The following PCDHGA1 variants were observed in gnomAD, a reference collection of about 807,000 sequenced individuals.
The protein encoded by PCDHGA1 is protocadherin gamma-A1.
A neutral mutation model predicts 58.0 loss-of-function variants in PCDHGA1; 32 were observed. The ratio of observed to expected loss-of-function variants is 0.55; its 90% confidence interval spans 0.42 to 0.74. The LOEUF is 0.74. PCDHGA1 is among the 30% of genes least tolerant of loss of function. The pLI is 0.00. For synonymous variants in PCDHGA1, 498 were observed against 501.1 expected (o/e 0.99, Z 0.08); for missense variants, 1,205 against 1,182.3 (o/e 1.02, Z -0.28).
chr5:141,423,405 G>T (rs1444037259), intron 1 of PCDHGA1: 1 of 1,614,154 alleles, frequency 6.2e-7, no homozygotes, highest in African/African-American at 1.3e-5. Context: ...CACGCCTGCT[G>T]CAGGCTTCTG....
At chr5:141,376,066 C>A in intron 1 of PCDHGA1, 1 of 1,613,396 alleles carries the variant, frequency 6.2e-7, no homozygotes, top group Non-Finnish European at 8.5e-7. Flanking sequence ...TCACGCTCAC[C>A]GTGGCCGTGG....
chr5:141,414,060 G>C (rs769101242), intron 1 of PCDHGA1: 1 of 1,609,304 alleles, frequency 6.2e-7, no homozygotes, highest in South Asian at 1.1e-5. Flanking sequence ...AATTGTTGAA[G>C]TTCCAACTAA....
intron 1 of PCDHGA1, among the ~76,000 whole-genome samples, chr5:141,373,529 AG>A (rs1769656388): frequency 6.6e-6 from 1 of 152,196 alleles, no homozygotes; most frequent in African/African-American, 2.4e-5. Context: ...TCTCCAAAAA[AG>A]TGTTTGTGGT....
rs554693384 is a variant in PCDHGA1, at chr5:141,346,496, T to A, written c.2421+13391T>A. The A allele has an allele frequency of 5.6e-6, 9 of 1,611,764 alleles. No individual in the cohort carries two copies. The South Asian group carries it at 6.6e-5, about 12-fold the overall frequency. On this transcript the variant is annotated intron_variant, in intron 1 of 3. Coordinates refer to ENST00000517417, the MANE Select transcript of PCDHGA1 (RefSeq NM_018912.3). ...TTTCTTTGATTATTAAGAACAAATATGAGAATGTGGTTATTATAAAGCTTT... is the reference window on the plus strand; with the variant it reads ...TTTCTTTGATTATTAAGAACAAATAAGAGAATGTGGTTATTATAAAGCTTT...
intron 1 of PCDHGA1, chr5:141,427,962 G>T: frequency 2.5e-6 from 4 of 1,590,100 alleles, no homozygotes; most frequent in Non-Finnish European, 3.4e-6. Flanking sequence ...TGTGCCGCGG[G>T]TGCTGTACCC....
rs775012950 is a variant in PCDHGA1, at chr5:141,428,225, A to T, written c.2422-66582A>T. On this transcript the variant is annotated intron_variant, in intron 1 of 3. Coordinates refer to ENST00000517417, the MANE Select transcript of PCDHGA1 (RefSeq NM_018912.3). ...GCTACGCTTCACCTAGTCTTCGCAG[A>T]CAGCCTGCAGGAGGCACTGCCAGAC... is the stretch of plus-strand genomic sequence containing the variant. 19 of 1,156,574 alleles carry T rather than the reference A, an allele frequency of 1.6e-5. No homozygotes were observed. In the Admixed American group the frequency reaches 3.1e-4, roughly 19 times the overall value. 71.6% of individuals were successfully genotyped at this position (1,156,574 alleles called of 1,614,324 possible).
At chr5:141,351,715 C>T (rs780866428) in intron 1 of PCDHGA1, 2 of 1,613,664 alleles carry the variant, frequency 1.2e-6, no homozygotes, top group Non-Finnish European at 1.7e-6. Context: ...GAGTCTCCTA[C>T]TCTATTCTGG....
In PCDHGA1 at chr5:141,332,459, T is replaced by C. The variant is rs765589705; in HGVS notation, c.1775T>C (p.Val592Ala). 1 of 1,613,514 alleles carries C rather than the reference T, an allele frequency of 6.2e-7. No individual in the cohort carries two copies. The highest frequency in any genetic ancestry group is 8.5e-7 in the Non-Finnish European group (1 of 1,180,010). Residue 592 changes from valine (V) to alanine (A), a missense_variant, in exon 1 of 4, where the codon GTG becomes GCG. Physicochemically the swap from Val to Ala is moderately conservative, Grantham distance 64 (BLOSUM62 0). Coordinates refer to ENST00000517417, the MANE Select transcript of PCDHGA1 (RefSeq NM_018912.3). This position sits in a 1 kb window ranked among gnomAD's most constrained non-coding sequence, Gnocchi z 4.6. ...CCCGGCTACCTGGTGACCAAGGTGG[T>C]GGCGGTGGACAGAGACTCGGGCCAG... ...AEPGYLVTKVVAVDRDSGQNA... is the reference protein window; with the variant it reads ...AEPGYLVTKVAAVDRDSGQNA...
chr5:141,352,219 C>A lies in PCDHGA1; in HGVS notation c.2421+19114C>A. ...GAGGACAGCCGCCACTCTCCGCCACCGCCACGCTGCACCTAATCTTCGCGG... is the reference window on the plus strand; with the variant it reads ...GAGGACAGCCGCCACTCTCCGCCACAGCCACGCTGCACCTAATCTTCGCGG... On this transcript the variant is annotated intron_variant, in intron 1 of 3. Coordinates refer to ENST00000517417, the MANE Select transcript of PCDHGA1 (RefSeq NM_018912.3). The A allele has an allele frequency of 3.7e-6, 6 of 1,614,030 alleles. 1 individual carries two copies. Among genetic ancestry groups the A allele is most frequent in the South Asian group, 2.2e-5 (2 of 91,088 alleles).
intron 1 of PCDHGA1, chr5:141,379,708 G>T (rs1048011684): frequency 2.0e-5 from 3 of 151,950 alleles, no homozygotes; most frequent in Non-Finnish European, 2.9e-5. Flanking sequence ...AAACATCCTG[G>T]CAGTCATGGA....
intron 1 of PCDHGA1, chr5:141,360,071 C>G (rs1437890695): frequency 6.8e-7 from 1 of 1,472,642 alleles, no homozygotes; most frequent in Non-Finnish European, 9.0e-7. Context: ...TGACCTTAGC[C>G]CGGATTCTGC....
At chr5:141,391,795 A>G (rs1220181718) in intron 1 of PCDHGA1, 2 of 152,206 alleles carry the variant, frequency 1.3e-5, no homozygotes, top group African/African-American at 4.8e-5. Context: ...GCAGTTTTTT[A>G]GATCAAAGTG....
intron 1 of PCDHGA1, chr5:141,405,047 G>C: frequency 1.2e-6 from 2 of 1,613,944 alleles, no homozygotes; most frequent in Non-Finnish European, 1.7e-6. Flanking sequence ...GGCTGTGGCA[G>C]TCGTCTCCTG....
rs61612330 is a variant in PCDHGA1, at chr5:141,454,796, A to ATTTTTTTTTTTTTTTTTTTTTTT, written c.2422-40004_2422-39982dup. Among the ~76,000 whole-genome samples, 6 of 77,456 alleles carry ATTTTTTTTTTTTTTTTTTTTTTT rather than the reference A, an allele frequency of 7.7e-5. 1 individual carries two copies. The highest frequency in any genetic ancestry group is 8.0e-4 in the East Asian group (2 of 2,512). 50.8% of individuals were successfully genotyped at this position (77,456 alleles called of 152,430 possible). Reference sequence around the variant, plus strand: ...AAGGAAATAATCCTCCATGGTTCTAATTTTTTTTTTTTTTTTTTTTTTTTT... The same window carrying ATTTTTTTTTTTTTTTTTTTTTTT: ...AAGGAAATAATCCTCCATGGTTCTAATTTTTTTTTTTTTTTTTTTTTTTTTTTTTTTTTTTTTTTTTTTTTTTT... On this transcript the variant is annotated intron_variant, in intron 1 of 3. Transcript: ENST00000517417.
chr5:141,365,823 G>A lies in PCDHGA1; in HGVS notation c.2421+32718G>A, dbSNP rs778220021. The stretch of plus-strand genomic sequence containing the variant: ...TCCCTGGCTGAAGACACATTTCAGG[G>A]GGCGCCCTTGTCCTCCTATGTATCC... On this transcript the variant is annotated intron_variant, in intron 1 of 3. Coordinates refer to ENST00000517417, the MANE Select transcript of PCDHGA1 (RefSeq NM_018912.3). 8.7e-6 allele frequency: 14 copies of A among 1,613,794 alleles called. No individual in the cohort carries two copies. The South Asian group carries it at 1.2e-4, about 14-fold the overall frequency.
chr5:141,480,970 A>C (rs1189003084), intron 1 of PCDHGA1, among the ~76,000 whole-genome samples: 1 of 152,120 alleles, frequency 6.6e-6, no homozygotes, highest in Non-Finnish European at 1.5e-5. Flanking sequence ...AGTGAGGGAG[A>C]ATCAGTGAAC....
intron 1 of PCDHGA1, chr5:141,395,603 G>C: frequency 5.0e-6 from 1 of 198,204 alleles, no homozygotes; most frequent in Non-Finnish European, 1.0e-5. Context: ...TCCCAAACTA[G>C]AACTTCAGAA....
At position 141,494,838 on chromosome 5, in the gene PCDHGA1, C is replaced by T; in HGVS notation, c.2453C>T (p.Ser818Phe). 4.3e-6 allele frequency: 7 copies of T among 1,614,166 alleles called. No homozygotes were observed. Among genetic ancestry groups the T allele is most frequent in the Non-Finnish European group, 3.4e-6 (4 of 1,180,032 alleles). Residue 818 changes from serine (S) to phenylalanine (F), a missense_variant, in exon 2 of 4, where the codon TCT becomes TTT. By Grantham distance (155) the Ser-to-Phe change is radical. Transcript: ENST00000517417. ...CCGCCCAACACGGACTGGCGTTTCT[C>T]TCAGGCCCAGAGACCCGGCACCAGC... ...QAPPNTDWRF[S>F]QAQRPGTSGS...
At chr5:141,408,747 T>C (rs1589683971) in intron 1 of PCDHGA1, 1 of 1,609,868 alleles carries the variant, frequency 6.2e-7, no homozygotes, top group Non-Finnish European at 8.5e-7. Flanking sequence ...TCATTAATGG[T>C]TAGAGTTAAT....
Sources: gnomAD v4.1 joint callset for allele counts (sites outside exome capture counted in the v4.1 genomes callset) on GRCh38, gnomAD v4.1.1 for gene constraint, Gnocchi (gnomAD v3.1) non-coding constraint, MANE v1.5 for transcripts, NCBI Gene and HGNC (gene_info 2026-07-23, HGNC 2026-07-21) for gene names.